ACSM5: variants seen among roughly 807,000 people sequenced by gnomAD.
ACSM5 encodes the protein acyl-coenzyme A synthetase ACSM5, mitochondrial.
A neutral mutation model predicts 71.6 loss-of-function variants in ACSM5; 56 were observed. That is an observed-to-expected ratio of 0.78 (90% CI 0.63 to 0.98). The LOEUF is 0.98. Ranked by LOEUF, ACSM5 falls within the 50% of genes least tolerant of loss-of-function variation. The pLI, the probability that ACSM5 is intolerant of heterozygous loss-of-function variation, is 0.00. For synonymous variants in ACSM5, 285 were observed against 281.5 expected, an observed-to-expected ratio of 1.01 and a Z score of -0.12; for missense variants, 723 against 726.0, an observed-to-expected ratio of 1.00 and a Z score of 0.05.
intron 5 of ACSM5, 120 bp downstream of exon 5, chr16:20,421,521 A>C: frequency 1.1e-6 from 1 of 912,248 alleles, no homozygotes; most frequent in Non-Finnish European, 1.5e-6. Context: ...ATTACTGAGA[A>C]GCCAATAGGA....
chr16:20,424,368 C>A (rs1400242953), intron 6 of ACSM5, among the ~76,000 whole-genome samples: 1 of 152,150 alleles, frequency 6.6e-6, no homozygotes. Flanking sequence ...ATTTGTCAAA[C>A]CCTTAGGCAA....
At chr16:20,424,579 G>T (rs1227398614) in intron 6 of ACSM5, among the ~76,000 whole-genome samples, 2 of 152,108 alleles carry the variant, frequency 1.3e-5, no homozygotes, top group Non-Finnish European at 2.9e-5. Flanking sequence ...AATGTCAGAG[G>T]ACACTTCTGC....
At chr16:20,423,843 G>A in intron 5 of ACSM5, 73 bp from the exon 6 acceptor site, 1 of 1,569,890 alleles carries the variant, frequency 6.4e-7, no homozygotes, top group South Asian at 1.2e-5. Context: ...CAAATGTGGT[G>A]ATATAGATAA....
chr16:20,423,395 G>T (rs1400075664), intron 5 of ACSM5, among the ~76,000 whole-genome samples: 1 of 152,162 alleles, frequency 6.6e-6, no homozygotes, highest in African/African-American at 2.4e-5. Flanking sequence ...TATTCTTTAT[G>T]TCTAACTCAA....
intron 10 of ACSM5, among the ~76,000 whole-genome samples, chr16:20,435,738 G>T (rs983071540): frequency 1.3e-5 from 2 of 152,146 alleles, no homozygotes; most frequent in African/African-American, 4.8e-5. Context: ...ATCTGTCTGG[G>T]TTCTTTTACT....
At chr16:20,431,997 C>G (rs1313494987) in intron 10 of ACSM5, among the ~76,000 whole-genome samples, 1 of 149,156 alleles carries the variant, frequency 6.7e-6, no homozygotes, top group Non-Finnish European at 1.5e-5. Context: ...AAAGGTCAAA[C>G]TGCACTATTG....
At chr16:20,415,978 T>C (rs1304867327) in intron 2 of ACSM5, among the ~76,000 whole-genome samples, 2 of 152,158 alleles carry the variant, frequency 1.3e-5, no homozygotes, top group Non-Finnish European at 2.9e-5. Flanking sequence ...TGATTTCATT[T>C]ACTAATAGCG....
intron 7 of ACSM5, among the ~76,000 whole-genome samples, chr16:20,428,290 C>T (rs1967028790): frequency 6.6e-6 from 1 of 152,118 alleles, no homozygotes; most frequent in African/African-American, 2.4e-5. Flanking sequence ...GGTCTGTGGC[C>T]AGGGCCCTCA....
chr16:20,433,290 C>T (rs978662397), intron 10 of ACSM5, among the ~76,000 whole-genome samples: 2 of 152,188 alleles, frequency 1.3e-5, no homozygotes, highest in Non-Finnish European at 2.9e-5. Context: ...TCATTCTCCC[C>T]CTACAATAAA....
intron 13 of ACSM5, 50 bp downstream of exon 13, chr16:20,439,969 C>T (rs372597508): frequency 4.0e-5 from 65 of 1,606,268 alleles, no homozygotes; most frequent in Admixed American, 1.8e-4. Flanking sequence ...CAGATGGGCA[C>T]GCTCTGCCTG....
intron 4 of ACSM5, 79 bp from the exon 5 acceptor site, chr16:20,421,179 T>C (rs1966877044): frequency 6.9e-7 from 1 of 1,448,428 alleles, no homozygotes. Context: ...ACGGTAGTCA[T>C]ATTGTTGTTA....
intron 2 of ACSM5, among the ~76,000 whole-genome samples, chr16:20,417,850 T>C (rs1323856734): frequency 6.6e-6 from 1 of 152,086 alleles, no homozygotes; most frequent in Non-Finnish European, 1.5e-5. Context: ...CTAATAAAAT[T>C]GGTTACTTAT....
intron 3 of ACSM5, 145 bp from the exon 4 acceptor site, chr16:20,419,082 GT>G: frequency 4.2e-6 from 3 of 711,282 alleles, no homozygotes; most frequent in Non-Finnish European, 4.8e-6. Context: ...GACGGCTAGG[GT>G]TTTTAGGCTG....
chr16:20,425,049 T>C (rs558728528), intron 6 of ACSM5, among the ~76,000 whole-genome samples: 2 of 152,370 alleles, frequency 1.3e-5, no homozygotes, highest in East Asian at 3.9e-4. Flanking sequence ...TTTTATTGAC[T>C]ATAGTCACCC....
intron 8 of ACSM5, among the ~76,000 whole-genome samples, chr16:20,430,481 C>T (rs1038801984): frequency 4.6e-5 from 7 of 151,642 alleles, no homozygotes; most frequent in African/African-American, 1.7e-4. Context: ...ACTGGAGTGC[C>T]CCATAATTGT....
rs1355159891 is a variant in ACSM5, at chr16:20,439,830, G to T, written c.1567G>T (p.Ala523Ser). The change falls in exon 13 of 14, where the codon GCC (alanine) becomes TCC (serine). Residue 523 changes from alanine to serine, a missense_variant. Ala to Ser is a moderately conservative substitution (Grantham distance 99, BLOSUM62 1). Transcript: ENST00000331849. The part of the protein sequence containing the change: ...VVKAFIVLTP[A>S]YSSHDPEALT... ...AAAGGCATTTATAGTCCTTACTCCA[G>T]CCTACTCCTCTCATGACCCAGAGGC... 1 of 1,607,476 alleles carries T rather than the reference G, an allele frequency of 6.2e-7. No homozygotes were observed. Among genetic ancestry groups the T allele is most frequent in the South Asian group, 1.1e-5 (1 of 90,956 alleles).
chr16:20,427,232 A>G (rs1035626143), intron 6 of ACSM5, among the ~76,000 whole-genome samples: 3 of 152,086 alleles, frequency 2.0e-5, no homozygotes, highest in Admixed American at 6.5e-5. Flanking sequence ...CCCGGGAGGC[A>G]GAGGTTGCAG....
Position 20,440,615 on chromosome 16 carries a change from T to C in ACSM5, c.*188T>C, listed in dbSNP as rs563328985. ...AGCAAAAGAATATCATTGGCCCTGA[T>C]CACATAGATGCTGCGCCGCCTAGCA... On this transcript the variant is annotated 3_prime_UTR_variant, in exon 14 of 14. Coordinates refer to ENST00000331849, the MANE Select transcript of ACSM5 (RefSeq NM_017888.3). 2.0e-4 allele frequency: 118 copies of C among 579,514 alleles called. 2 individuals are homozygous for C. Among genetic ancestry groups the C allele is most frequent in the East Asian group, 1.9e-3 (65 of 34,200 alleles). The allele number at this position is 579,514 out of a possible 1,614,324, so 35.9% of individuals were successfully genotyped here.
chr16:20,435,901 T>G (rs945056032), intron 10 of ACSM5, among the ~76,000 whole-genome samples: 91 of 151,878 alleles, frequency 6.0e-4, no homozygotes, highest in African/African-American at 2.1e-3. Flanking sequence ...GGTGAGCCCT[T>G]CTCCCACCCT....
Sources: allele counts gnomAD v4.1 joint callset (sites outside exome capture counted in the v4.1 genomes callset), GRCh38; gene constraint gnomAD v4.1.1; transcripts MANE v1.5; gene names NCBI Gene and HGNC (gene_info 2026-07-23, HGNC 2026-07-21).